MACROD2: variants seen among roughly 807,000 people sequenced by gnomAD.
The protein encoded by MACROD2 is mono-ADP ribosylhydrolase 2.
In MACROD2, 36 loss-of-function variants were observed where a neutral mutation model predicts 70.4. That is an observed-to-expected ratio of 0.51 (90% CI 0.39 to 0.68). The LOEUF (loss-of-function observed/expected upper bound fraction) is 0.68. Among genes scored for constraint, MACROD2 ranks in the 30% least tolerant of loss-of-function variants. The pLI is 0.00. For missense variants in MACROD2, 496 were observed against 538.4 expected (o/e 0.92, Z 0.78); for synonymous variants, 172 against 178.8 (o/e 0.96, Z 0.30).
intron 2 of MACROD2, among the ~76,000 whole-genome samples, chr20:14,006,390 A>G (rs559390846): frequency 6.6e-6 from 1 of 152,142 alleles, no homozygotes; most frequent in Non-Finnish European, 1.5e-5. Flanking sequence ...CCCCCAGACT[A>G]TTTTGAATGA....
At position 16,016,940 on chromosome 20, in the gene MACROD2, A is replaced by G. The variant is rs571173207; in HGVS notation, c.1154-24261A>G. Among the ~76,000 whole-genome samples, 144 of 152,350 alleles carry G rather than the reference A, an allele frequency of 9.5e-4. 1 individual carries two copies. Among genetic ancestry groups the G allele is most frequent in the Admixed American group, 2.5e-3 (38 of 15,306 alleles). On this transcript the variant is annotated intron_variant, in intron 15 of 17. Transcript: ENST00000684519. ...ATTGGCCTATTTTCAAAATATTGCC[A>G]GATATGTTCACTTCTCCCATCTCCT...
At chr20:15,710,048 G>A (rs561403689) in intron 8 of MACROD2, among the ~76,000 whole-genome samples, 38 of 152,010 alleles carry the variant, frequency 2.5e-4, no homozygotes, top group South Asian at 4.2e-4. Context: ...CTAATGATCC[G>A]TACGACACTT....
chr20:15,412,383 A>C (rs1396791294), intron 6 of MACROD2, among the ~76,000 whole-genome samples: 1 of 152,214 alleles, frequency 6.6e-6, no homozygotes, highest in Non-Finnish European at 1.5e-5. Context: ...ACCCTTATGC[A>C]TTGCCTTTTG....
At chr20:14,938,586 G>A (rs1468018525) in intron 5 of MACROD2, among the ~76,000 whole-genome samples, 1 of 152,032 alleles carries the variant, frequency 6.6e-6, no homozygotes, top group Non-Finnish European at 1.5e-5. Flanking sequence ...TTCAAGACCA[G>A]CCTGGCCAAT....
chr20:15,090,516 C>T (rs1206896044), intron 5 of MACROD2, among the ~76,000 whole-genome samples: 1 of 151,968 alleles, frequency 6.6e-6, no homozygotes, highest in African/African-American at 2.4e-5. Flanking sequence ...TATTTATGAG[C>T]CACATAAATG....
chr20:14,950,992 C>T (rs533024429), intron 5 of MACROD2, among the ~76,000 whole-genome samples: 2 of 152,218 alleles, frequency 1.3e-5, no homozygotes, highest in East Asian at 3.9e-4. Flanking sequence ...TCAAGTGTAT[C>T]TTCTTTCAGT....
At chr20:14,491,110 C>G (rs1032306267) in intron 3 of MACROD2, among the ~76,000 whole-genome samples, 19 of 152,186 alleles carry the variant, frequency 1.2e-4, no homozygotes, top group Non-Finnish European at 4.4e-5. Flanking sequence ...GAAGAAGTAA[C>G]GTGAAGCTAC....
In MACROD2 at chr20:14,444,273, G is replaced by A. The variant is rs955952286; in HGVS notation, c.272-49206G>A. Among the ~76,000 whole-genome samples the A allele has an allele frequency of 5.9e-5, 9 of 152,146 alleles. No homozygotes were observed. The East Asian group carries it at 7.7e-4, about 13-fold the overall frequency. On this transcript the variant is annotated intron_variant, in intron 3 of 17. Transcript: ENST00000684519. ...ATGAGTACATTCTCCTGTGTTTTGC[G>A]TTGCCCAATCCTTCAAATTGCTCAA...
intron 8 of MACROD2, among the ~76,000 whole-genome samples, chr20:15,825,792 G>C (rs1042635351): frequency 1.3e-5 from 2 of 152,048 alleles, no homozygotes; most frequent in Admixed American, 1.3e-4. Flanking sequence ...CTTGGTGTTG[G>C]AATATCCTTT....
At chr20:14,340,335 C>G (rs1568567993) in intron 3 of MACROD2, among the ~76,000 whole-genome samples, 1 of 152,092 alleles carries the variant, frequency 6.6e-6, no homozygotes, top group African/African-American at 2.4e-5. Flanking sequence ...TACTTAATCT[C>G]TTTGAGTTTG....
intron 3 of MACROD2, among the ~76,000 whole-genome samples, chr20:14,165,814 T>C (rs1381745845): frequency 4.6e-5 from 7 of 152,208 alleles, no homozygotes; most frequent in Non-Finnish European, 1.0e-4. Flanking sequence ...GTTATCAGTG[T>C]GGAAATTTTT....
intron 5 of MACROD2, among the ~76,000 whole-genome samples, chr20:15,137,386 A>G (rs1305961581): frequency 6.6e-6 from 1 of 152,050 alleles, no homozygotes; most frequent in Non-Finnish European, 1.5e-5. Flanking sequence ...GCCATAAAAA[A>G]TGATGAGTTC....
chr20:15,963,243 A>C (rs2066089607), intron 12 of MACROD2, among the ~76,000 whole-genome samples: 1 of 151,898 alleles, frequency 6.6e-6, no homozygotes, highest in South Asian at 2.1e-4. Context: ...ACAGAGAAAG[A>C]CTATTTTATG....
intron 5 of MACROD2, among the ~76,000 whole-genome samples, chr20:14,854,185 T>G (rs1314975172): frequency 6.6e-6 from 1 of 152,094 alleles, no homozygotes; most frequent in East Asian, 1.9e-4. Context: ...ACATCCATCT[T>G]CACCAGGAGA....
chr20:14,650,689 A>C (rs1985630892), intron 4 of MACROD2, among the ~76,000 whole-genome samples: 1 of 152,174 alleles, frequency 6.6e-6, no homozygotes, highest in Non-Finnish European at 1.5e-5. Context: ...ATCCTTCTAT[A>C]CTGCTTCCCT....
At chr20:14,419,168 G>A (rs1380663410) in intron 3 of MACROD2, among the ~76,000 whole-genome samples, 1 of 151,860 alleles carries the variant, frequency 6.6e-6, no homozygotes, top group Non-Finnish European at 1.5e-5. Flanking sequence ...GATTCTCCTG[G>A]CTTAGCCTCC....
At chr20:16,046,675 C>CTTTTTT (rs557907668) in intron 17 of MACROD2, among the ~76,000 whole-genome samples, 30 of 85,502 alleles carry the variant, frequency 3.5e-4, no homozygotes, top group African/African-American at 8.8e-4. Flanking sequence ...GGTGTCAAAA[C>CTTTTTT]TTTTTTTTTT....
chr20:14,275,190 C>A (rs528984616), intron 3 of MACROD2, among the ~76,000 whole-genome samples: 8 of 152,036 alleles, frequency 5.3e-5, no homozygotes, highest in East Asian at 1.9e-4. Flanking sequence ...CTAAGCCAAA[C>A]GAACAAAGCT....
intron 5 of MACROD2, among the ~76,000 whole-genome samples, chr20:15,032,778 A>G (rs577028267): frequency 1.3e-5 from 2 of 152,362 alleles, no homozygotes; most frequent in Non-Finnish European, 2.9e-5. Context: ...TTGTACACCA[A>G]TGTTCATAGC....
Sources: allele counts gnomAD v4.1 joint callset (sites outside exome capture counted in the v4.1 genomes callset), GRCh38; gene constraint gnomAD v4.1.1; transcripts MANE v1.5; gene names NCBI Gene and HGNC (gene_info 2026-07-23, HGNC 2026-07-21).